TMEM117: variants seen among roughly 807,000 people sequenced by gnomAD.
TMEM117 encodes the protein transmembrane protein 117.
In TMEM117, 27 loss-of-function variants were observed where a neutral mutation model predicts 52.4. The observed-to-expected ratio is 0.51, with a 90% CI of 0.38 to 0.71. The LOEUF is 0.71. Ranked by LOEUF, TMEM117 falls within the 30% of genes least tolerant of loss-of-function variation. The pLI, the probability that TMEM117 is intolerant of heterozygous loss-of-function variation, is 0.00. For missense variants in TMEM117, 556 were observed against 630.5 expected (o/e 0.88, Z 1.26); for synonymous variants, 215 against 206.3 (o/e 1.04, Z -0.36).
At chr12:43,925,364 C>T (rs1175112828) in intron 2 of TMEM117, among the ~76,000 whole-genome samples, 1 of 151,720 alleles carries the variant, frequency 6.6e-6, no homozygotes, top group African/African-American at 2.4e-5. Context: ...ATATGTGCAA[C>T]CCAATTTCAC....
At chr12:43,830,467 A>G in the TMEM117 span, among the ~76,000 whole-genome samples, 1 of 151,202 alleles carries the variant, frequency 6.6e-6, no homozygotes, top group African/African-American at 2.4e-5. Context: ...AAAATTAGCC[A>G]GGCGTGGTGG....
At chr12:44,265,203 C>T (rs1171868428) in intron 5 of TMEM117, among the ~76,000 whole-genome samples, 1 of 152,090 alleles carries the variant, frequency 6.6e-6, no homozygotes, top group Admixed American at 6.6e-5. Context: ...ACCAACTAAT[C>T]CAAAGGCTGC....
chr12:43,919,150 C>G (rs1944652413), intron 2 of TMEM117, among the ~76,000 whole-genome samples: 1 of 152,200 alleles, frequency 6.6e-6, no homozygotes, highest in South Asian at 2.1e-4. Flanking sequence ...GGTAATAACA[C>G]TGGACATGAA....
chr12:43,883,418 G>T (rs1382685998), intron 2 of TMEM117, among the ~76,000 whole-genome samples: 1 of 152,104 alleles, frequency 6.6e-6, no homozygotes, highest in African/African-American at 2.4e-5. Context: ...CTATGAAATA[G>T]CTGAGATCTT....
At chr12:43,868,215 C>T (rs1240544403) in intron 2 of TMEM117, among the ~76,000 whole-genome samples, 3 of 132,562 alleles carry the variant, frequency 2.3e-5, no homozygotes, top group Non-Finnish European at 4.8e-5. Context: ...CCCGCCAATT[C>T]TCTTTCTCTC....
intron 3 of TMEM117, among the ~76,000 whole-genome samples, chr12:44,115,171 A>G (rs1036218198): frequency 1.3e-5 from 2 of 152,206 alleles, no homozygotes; most frequent in African/African-American, 2.4e-5. Flanking sequence ...AGAGCTGCAG[A>G]ATTCTCTGCA....
At chr12:44,156,522 C>T (rs1948827801) in intron 4 of TMEM117, among the ~76,000 whole-genome samples, 1 of 152,026 alleles carries the variant, frequency 6.6e-6, no homozygotes, top group Non-Finnish European at 1.5e-5. Context: ...AGTGGTTTAA[C>T]TTGTCTGCAT....
the TMEM117 span, among the ~76,000 whole-genome samples, chr12:44,396,591 A>T: frequency 1.3e-5 from 2 of 152,198 alleles, no homozygotes; most frequent in African/African-American, 4.8e-5. Context: ...CGGTGGCTCA[A>T]GCCTGTAATC....
chr12:44,137,018 T>G (rs1948500348), intron 3 of TMEM117, among the ~76,000 whole-genome samples: 1 of 151,288 alleles, frequency 6.6e-6, no homozygotes, highest in Non-Finnish European at 1.5e-5. Flanking sequence ...ATGATTTAAG[T>G]AATTTACTAC....
At chr12:44,391,018 A>C (rs1952158991), downstream of TMEM117, among the ~76,000 whole-genome samples, 1 of 152,146 alleles carries the variant, frequency 6.6e-6, no homozygotes, top group African/African-American at 2.4e-5. Flanking sequence ...AGGTTAAAAA[A>C]AAGGATTTAA....
chr12:44,229,683 T>C (rs1949908772), intron 5 of TMEM117, among the ~76,000 whole-genome samples: 1 of 152,130 alleles, frequency 6.6e-6, no homozygotes, highest in Admixed American at 6.6e-5. Flanking sequence ...GTAAAGCTGA[T>C]AGAGACAATA....
At chr12:43,958,079 A>G (rs531421963) in intron 3 of TMEM117, among the ~76,000 whole-genome samples, 1 of 152,242 alleles carries the variant, frequency 6.6e-6, no homozygotes, top group South Asian at 2.1e-4. Context: ...TTGAGGAAAT[A>G]CATAGTGAAC....
chr12:43,952,236 C>G (rs1254641605), intron 3 of TMEM117, among the ~76,000 whole-genome samples: 1 of 152,070 alleles, frequency 6.6e-6, no homozygotes, highest in Admixed American at 6.6e-5. Context: ...CTCTTTTCCT[C>G]CAAATGATCA....
intron 2 of TMEM117, among the ~76,000 whole-genome samples, chr12:43,930,832 A>G (rs1944859721): frequency 6.6e-6 from 1 of 152,216 alleles, no homozygotes; most frequent in Admixed American, 6.5e-5. Flanking sequence ...CAGTTACTAC[A>G]GCTTACTTCC....
At chr12:43,798,640 C>T in the TMEM117 span, 7 of 1,332,964 alleles carry the variant, frequency 5.3e-6, no homozygotes, top group Admixed American at 1.0e-4. Flanking sequence ...AAAAAAATCA[C>T]ATAAAAAGCC....
chr12:44,391,468 T>A (rs1592010854), downstream of TMEM117, among the ~76,000 whole-genome samples: 1 of 152,166 alleles, frequency 6.6e-6, no homozygotes, highest in African/African-American at 2.4e-5. Context: ...AAATTTTTTT[T>A]ATTTTTGTAG....
At chr12:43,868,754 G>A (rs1419204769) in intron 2 of TMEM117, among the ~76,000 whole-genome samples, 1 of 151,996 alleles carries the variant, frequency 6.6e-6, no homozygotes, top group Admixed American at 6.6e-5. Context: ...GAAAAAAGTT[G>A]CAAATCATTG....
Position 44,257,798 on chromosome 12 carries a change from G to A in TMEM117, c.609-41782G>A, listed in dbSNP as rs1950276704. Among the ~76,000 whole-genome samples, 6 of 152,026 alleles carry A rather than the reference G, an allele frequency of 3.9e-5. No individual in the cohort carries two copies. The South Asian group carries it at 1.0e-3, about 26-fold the overall frequency. ...ACAAAAATATATCATATGCAATAAG[G>A]AGGAAATTTATGAGAAAATATGGTG... On this transcript the variant is annotated intron_variant, in intron 5 of 7. Coordinates refer to ENST00000266534, the MANE Select transcript of TMEM117 (RefSeq NM_032256.3).
chr12:43,866,410 CAA>C (rs1194302841), intron 2 of TMEM117, among the ~76,000 whole-genome samples: 19 of 107,080 alleles, frequency 1.8e-4, no homozygotes, highest in African/African-American at 3.4e-4. Context: ...TCATCGCTAC[CAA>C]AAAAAAAAAA....
Sources: gnomAD v4.1 joint callset for allele counts (sites outside exome capture counted in the v4.1 genomes callset) on GRCh38, gnomAD v4.1.1 for gene constraint, MANE v1.5 for transcripts, NCBI Gene and HGNC (gene_info 2026-07-23, HGNC 2026-07-21) for gene names.